ZNF66: variants seen among roughly 807,000 people sequenced by gnomAD.
ZNF66 encodes the protein zinc finger protein 66.
ZNF66 carries 32 observed loss-of-function variants against 35.2 expected under a neutral mutation model. The observed-to-expected ratio is 0.91, with a 90% CI of 0.69 to 1.22. The LOEUF (loss-of-function observed/expected upper bound fraction) is 1.22, where lower values mean the gene tolerates loss of function less well. Ranked by LOEUF, ZNF66 falls within the 50% of genes most tolerant of loss-of-function variation. The probability of loss-of-function intolerance (pLI) is 0.00; values close to 1 mark genes in which losing one functional copy is unlikely to be tolerated. For synonymous variants in ZNF66, 231 were observed against 181.3 expected, an observed-to-expected ratio of 1.27 and a Z score of -2.20; for missense variants, 666 against 543.1, an observed-to-expected ratio of 1.23 and a Z score of -2.25.
At chr19:20,779,157 G>A (rs552797482) in intron 1 of ZNF66, among the ~76,000 whole-genome samples, 2 of 152,136 alleles carry the variant, frequency 1.3e-5, no homozygotes, top group Non-Finnish European at 1.5e-5. Flanking sequence ...TGATGCAGTC[G>A]TTATGTTTTG....
At chr19:20,781,888 A>G (rs1338229029) in intron 1 of ZNF66, among the ~76,000 whole-genome samples, 1 of 152,060 alleles carries the variant, frequency 6.6e-6, no homozygotes, top group African/African-American at 2.4e-5. Flanking sequence ...TAATGGCCAC[A>G]GAGTATTCCA....
rs1971523744 is a variant in ZNF66 at position 20,806,999 on chromosome 19, A to G, written c.1399A>G (p.Asn467Asp). 1 of 949,256 alleles carries G rather than the reference A, an allele frequency of 1.1e-6. No homozygotes were observed. Among genetic ancestry groups the G allele is most frequent in the Non-Finnish European group, 1.7e-6 (1 of 578,320 alleles). The allele number at this position is 949,256 out of a possible 1,614,324, so 58.8% of individuals were successfully genotyped here. A position where few individuals can be genotyped will look rare whatever the true frequency, so the allele number is the denominator to read the frequency against. The change falls in exon 4 of 4, where the codon AAC becomes GAC. Residue 467 changes from asparagine (N) to aspartate (D), a missense_variant. Asn to Asp is a conservative substitution (Grantham distance 23, BLOSUM62 1). Transcript: ENST00000344519. ...DCGKAFNRSS[N>D]LTKHKKIHTG... ...TGGCAAAGCCTTTAACCGCTCCTCT[A>G]ACCTTACTAAACACAAGAAAATTCA...
intron 1 of ZNF66, among the ~76,000 whole-genome samples, chr19:20,787,709 A>C (rs577940195): frequency 3.9e-5 from 6 of 152,234 alleles, no homozygotes; most frequent in Non-Finnish European, 8.8e-5. Context: ...CATCTTAGGC[A>C]TGAGAGATCA....
intron 1 of ZNF66, among the ~76,000 whole-genome samples, chr19:20,779,215 A>C (rs1971223166): frequency 6.6e-6 from 1 of 152,236 alleles, no homozygotes; most frequent in South Asian, 2.1e-4. Flanking sequence ...TTTATGTAAA[A>C]AAAAAATGAA....
chr19:20,802,073 T>C (rs1340109503), intron 3 of ZNF66, among the ~76,000 whole-genome samples: 1 of 152,142 alleles, frequency 6.6e-6, no homozygotes, highest in Admixed American at 6.5e-5. Context: ...TTCTGTTTTA[T>C]TGGTTTACTT....
chr19:20,796,225 T>C (rs1289706788), intron 3 of ZNF66, among the ~76,000 whole-genome samples: 1 of 150,386 alleles, frequency 6.6e-6, no homozygotes, highest in African/African-American at 2.4e-5. Context: ...ATGGCTGACT[T>C]TTTTTTTTGC....
At chr19:20,783,409 T>C (rs1971261352) in intron 1 of ZNF66, among the ~76,000 whole-genome samples, 1 of 152,224 alleles carries the variant, frequency 6.6e-6, no homozygotes, top group Non-Finnish European at 1.5e-5. Flanking sequence ...TTGAAATATA[T>C]GTAAATCATA....
In ZNF66 at chr19:20,808,176, C is replaced by A. The variant is rs1971544495; in HGVS notation, c.*854C>A. Among the ~76,000 whole-genome samples, 1 of 152,172 alleles carries A rather than the reference C, an allele frequency of 6.6e-6. No homozygotes were observed. The highest frequency in any genetic ancestry group is 1.5e-5 in the Non-Finnish European group (1 of 68,030). ...CTGGGGGAGGAGCGCCTGCCATTGC[C>A]CAGGCTTGCTTAGGTAAAGCAGCTG... On this transcript the variant is annotated 3_prime_UTR_variant, in exon 4 of 4. Coordinates refer to ENST00000344519, the MANE Select transcript of ZNF66 (RefSeq NM_001355197.2).
intron 2 of ZNF66, among the ~76,000 whole-genome samples, chr19:20,793,309 T>TTTC (rs1971356587): frequency 1.7e-5 from 1 of 60,006 alleles, no homozygotes; most frequent in Non-Finnish European, 4.2e-5. Flanking sequence ...TTTCTTTTCT[T>TTTC]TTCTTTTCTT....
intron 1 of ZNF66, among the ~76,000 whole-genome samples, chr19:20,778,304 G>T (rs1971214361): frequency 6.6e-6 from 1 of 152,152 alleles, no homozygotes; most frequent in Admixed American, 6.5e-5. Flanking sequence ...GTTTCACCAT[G>T]TTGGCCAAAA....
intron 1 of ZNF66, among the ~76,000 whole-genome samples, chr19:20,790,580 T>C (rs1178797671): frequency 7.2e-6 from 1 of 138,446 alleles, no homozygotes; most frequent in Non-Finnish European, 1.6e-5. Flanking sequence ...CTCTTCTGTT[T>C]TAAAGGATAG....
intron 3 of ZNF66, chr19:20,799,004 C>G (rs139905286): frequency 1.3e-5 from 2 of 150,884 alleles, no homozygotes; most frequent in East Asian, 3.9e-4. Flanking sequence ...CTTCCAGGTC[C>G]TGTGTTGCAT....
Position 20,806,754 on chromosome 19 carries a change from C to T in ZNF66, c.1154C>T (p.Thr385Ile), listed in dbSNP as rs768725775. 5.9e-6 allele frequency: 8 copies of T among 1,345,026 alleles called. No homozygotes were observed. The East Asian group carries it at 9.2e-5, about 15-fold the overall frequency. 83.3% of individuals were successfully genotyped at this position (1,345,026 alleles called of 1,614,324 possible). A position where few individuals can be genotyped will look rare whatever the true frequency, so the allele number is the denominator to read the frequency against. ...GEAFKYSCSL[T>I]AHKIIHTGKK... ...GCCTTTAAGTACTCCTGTTCCCTTACTGCACATAAGATAATTCATACTGGA... is the reference window on the plus strand; with the variant it reads ...GCCTTTAAGTACTCCTGTTCCCTTATTGCACATAAGATAATTCATACTGGA... Residue 385 changes from threonine to isoleucine, a missense_variant, in exon 4 of 4, where the codon ACT (threonine) becomes ATT (isoleucine). Coordinates refer to ENST00000344519, the MANE Select transcript of ZNF66 (RefSeq NM_001355197.2).
intron 3 of ZNF66, among the ~76,000 whole-genome samples, chr19:20,795,702 A>G (rs1053569855): frequency 1.2e-4 from 18 of 152,164 alleles, no homozygotes; most frequent in Admixed American, 2.0e-4. Context: ...AGAACTGACC[A>G]TAAACTTGGC....
At chr19:20,798,799 A>G (rs1423365081) in intron 3 of ZNF66, among the ~76,000 whole-genome samples, 1 of 152,158 alleles carries the variant, frequency 6.6e-6, no homozygotes, top group East Asian at 1.9e-4. Context: ...TTGTTACTGG[A>G]TTAATTCAGG....
intron 3 of ZNF66, among the ~76,000 whole-genome samples, chr19:20,800,009 T>G (rs537718735): frequency 7.9e-5 from 12 of 152,332 alleles, no homozygotes; most frequent in Admixed American, 2.0e-4. Flanking sequence ...ATAATTTTAG[T>G]GTTTTTAAAG....
chr19:20,791,574 C>G (rs1336073127), intron 1 of ZNF66, among the ~76,000 whole-genome samples: 2 of 150,788 alleles, frequency 1.3e-5, no homozygotes, highest in Non-Finnish European at 2.9e-5. Context: ...TTAGGAGATA[C>G]CTGCTTTCTA....
chr19:20,805,924 T>A lies in ZNF66; in HGVS notation c.324T>A (p.His108Gln). 1 of 678,116 alleles carries A rather than the reference T, an allele frequency of 1.5e-6. No homozygotes were observed. The highest frequency in any genetic ancestry group is 2.5e-5 in the East Asian group (1 of 39,900). The allele number at this position is 678,116 out of a possible 1,614,324, so 42.0% of individuals were successfully genotyped here. Residue 108 changes from histidine (H) to glutamine (Q), a missense_variant, in exon 4 of 4, where the codon CAT becomes CAA. His to Gln is a conservative substitution (Grantham distance 24). Coordinates refer to ENST00000344519, the MANE Select transcript of ZNF66 (RefSeq NM_001355197.2). ...TGAGAAGGCATAAAAAATGTGGACA[T>A]GATAATTTGCAGTTAAAAAAAGGCT... The part of the protein sequence containing the change: ...LILRRHKKCG[H>Q]DNLQLKKGCE...
chr19:20,798,904 T>C (rs1971420104), intron 3 of ZNF66: 1 of 152,168 alleles, frequency 6.6e-6, no homozygotes, highest in African/African-American at 2.4e-5. Flanking sequence ...TTATATTTTT[T>C]GATGTGTTTA....
Sources: gnomAD v4.1 joint callset for allele counts (sites outside exome capture counted in the v4.1 genomes callset) on GRCh38, gnomAD v4.1.1 for gene constraint, MANE v1.5 for transcripts, NCBI Gene and HGNC (gene_info 2026-07-23, HGNC 2026-07-21) for gene names.